Variants in ITPR1 observed in about 807,000 individuals in gnomAD.
The protein encoded by ITPR1 is inositol 1,4,5-trisphosphate receptor type 1.
A neutral mutation model predicts 318.4 loss-of-function variants in ITPR1; 96 were observed. That is an observed-to-expected ratio of 0.30 (90% confidence interval 0.26 to 0.36). ITPR1 has a LOEUF of 0.36. Ranked by LOEUF, ITPR1 falls within the 10% of genes least tolerant of loss-of-function variation. The pLI is 1.00. For missense variants in ITPR1, 2,440 were observed against 3,460.2 expected (o/e 0.71, Z 7.40); for synonymous variants, 1,312 against 1,289.9 (o/e 1.02, Z -0.37).
rs374712279 is a variant in ITPR1 at position 4,554,902 on chromosome 3, G to T, written c.163+33808G>T. On this transcript the variant is annotated intron_variant, in intron 4 of 61. Coordinates refer to ENST00000649015, the MANE Select transcript of ITPR1 (RefSeq NM_001378452.1). ...CAAAAATGGCAATAAAAGAACTGTT[G>T]CTCATATATCAATGGATAAGGCAAT... is the stretch of plus-strand genomic sequence containing the variant. 2.0e-5 allele frequency among the ~76,000 whole-genome samples: 3 copies of T among 152,142 alleles called. No individual in the cohort carries two copies. The South Asian group carries it at 6.2e-4, about 32-fold the overall frequency.
intron 9 of ITPR1, 49 bp from the exon 10 acceptor site, chr3:4,645,533 C>G: frequency 6.2e-7 from 1 of 1,608,140 alleles, no homozygotes; most frequent in Non-Finnish European, 8.5e-7. Context: ...CAGTCTAATT[C>G]TCTTTTTAAA....
At chr3:4,544,726 C>G (rs1359994061) in intron 4 of ITPR1, among the ~76,000 whole-genome samples, 1 of 152,152 alleles carries the variant, frequency 6.6e-6, no homozygotes, top group Non-Finnish European at 1.5e-5. Context: ...ATCTGTCATC[C>G]CTTTTAAGTG....
chr3:4,652,146 G>C lies in ITPR1; in HGVS notation c.879G>C (p.Arg293=). Residue 293 remains arginine (R), a synonymous_variant, in exon 11 of 62, where the codon CGG becomes CGC. Transcript: ENST00000649015. The part of the protein sequence containing the change: ...EVEVVQHDPC[R]GGAGYWNSLF... ...AGGTGGTCCAGCATGACCCATGTCGGGGCGGAGCAGGGTATTGGAACAGCC... is the reference window on the plus strand; with the variant it reads ...AGGTGGTCCAGCATGACCCATGTCGCGGCGGAGCAGGGTATTGGAACAGCC... The C allele has an allele frequency of 6.2e-7, 1 of 1,612,676 alleles. No homozygotes were observed.
In ITPR1 at chr3:4,688,618, G is replaced by A. The variant is rs1168250111; in HGVS notation, c.3826G>A (p.Gly1276Arg). ...HKHINLFLNP[G>R]ILEAVTMQHI... is the part of the protein sequence containing the mutation. Reference sequence around the variant, plus strand: ...ACACATAAACCTGTTTCTCAACCCAGGGGTAAGACTTGAGGCCAATCTGCA... The same window carrying A: ...ACACATAAACCTGTTTCTCAACCCAAGGGTAAGACTTGAGGCCAATCTGCA... The change falls in exon 31 of 62, where the codon GGG (glycine) becomes AGG (arginine). Residue 1276 changes from glycine (G) to arginine (R), a missense_variant and splice_region_variant. By Grantham distance (125) the Gly-to-Arg change is moderately radical. Coordinates refer to ENST00000649015, the MANE Select transcript of ITPR1 (RefSeq NM_001378452.1). 6.2e-7 allele frequency: 1 copy of A among 1,613,200 alleles called. No homozygotes were observed. Among genetic ancestry groups the A allele is most frequent in the Non-Finnish European group, 8.5e-7 (1 of 1,179,206 alleles).
chr3:4,495,671 C>T (rs2080498493), intron 2 of ITPR1, among the ~76,000 whole-genome samples: 1 of 152,184 alleles, frequency 6.6e-6, no homozygotes, highest in African/African-American at 2.4e-5. Flanking sequence ...ACTTGTAAGC[C>T]AGGTCCAGAG....
chr3:4,552,194 C>T (rs2085639600), intron 4 of ITPR1, among the ~76,000 whole-genome samples: 1 of 152,182 alleles, frequency 6.6e-6, no homozygotes, highest in African/African-American at 2.4e-5. Context: ...CTCCCCATCA[C>T]CAAGCAAGCA....
chr3:4,748,687 T>C (rs993095125), intron 44 of ITPR1, among the ~76,000 whole-genome samples: 2 of 152,128 alleles, frequency 1.3e-5, no homozygotes, highest in African/African-American at 4.8e-5. Context: ...CGTGTGTGAG[T>C]TGTATGCCTG....
intron 54 of ITPR1, among the ~76,000 whole-genome samples, chr3:4,805,506 G>T (rs890581838): frequency 6.6e-6 from 1 of 152,110 alleles, no homozygotes; most frequent in Non-Finnish European, 1.5e-5. Context: ...AGAGAGGAAT[G>T]GTCCCCAAAG....
At chr3:4,755,796 A>G (rs2044928148) in intron 44 of ITPR1, among the ~76,000 whole-genome samples, 1 of 152,318 alleles carries the variant, frequency 6.6e-6, no homozygotes, top group Non-Finnish European at 1.5e-5. Flanking sequence ...TTTGTCTCTC[A>G]CTTGTTAAAA....
At chr3:4,681,315 A>C (rs755301189) in intron 25 of ITPR1, 49 bp from the exon 26 acceptor site, 72 of 1,316,486 alleles carry the variant, frequency 5.5e-5, no homozygotes, top group Non-Finnish European at 6.8e-5. Context: ...CACCAGCAGC[A>C]TGTTTGCAGA....
chr3:4,586,185 G>C (rs1392536091), intron 4 of ITPR1, among the ~76,000 whole-genome samples: 3 of 152,126 alleles, frequency 2.0e-5, no homozygotes, highest in African/African-American at 7.2e-5. Flanking sequence ...CATTTGAGTT[G>C]GTTCCAAGTC....
intron 2 of ITPR1, among the ~76,000 whole-genome samples, chr3:4,503,654 A>G (rs1335114332): frequency 1.3e-5 from 2 of 152,016 alleles, no homozygotes; most frequent in African/African-American, 4.8e-5. Context: ...AACAGATCCT[A>G]TGGTGCACAG....
At chr3:4,780,364 G>A (rs192528154) in intron 49 of ITPR1, among the ~76,000 whole-genome samples, 1 of 152,258 alleles carries the variant, frequency 6.6e-6, no homozygotes, top group African/African-American at 2.4e-5. Flanking sequence ...GGTTGCTGAC[G>A]TTTGGATTTT....
chr3:4,766,521 C>A lies in ITPR1; in HGVS notation c.5545-9C>A. The stretch of plus-strand genomic sequence containing the variant: ...ACAGTGTTCACAATCTATGGATTTT[C>A]CTTTGCAGCACTCCTTTTTCTGTCG... On this transcript the variant is annotated splice_polypyrimidine_tract_variant and intron_variant, in intron 44 of 61. Transcript: ENST00000649015. 3.1e-6 allele frequency: 5 copies of A among 1,612,708 alleles called. No homozygotes were observed. Among genetic ancestry groups the A allele is most frequent in the Non-Finnish European group, 4.2e-6 (5 of 1,179,058 alleles).
intron 16 of ITPR1, 108 bp downstream of exon 16, chr3:4,663,314 AT>A (rs2093877774): frequency 9.8e-7 from 1 of 1,019,126 alleles, no homozygotes; most frequent in East Asian, 2.7e-5. Flanking sequence ...AGGTGGGAGG[AT>A]CCCCTTGAGC....
intron 4 of ITPR1, among the ~76,000 whole-genome samples, chr3:4,578,010 C>T (rs548811320): frequency 1.0e-3 from 157 of 152,340 alleles, no homozygotes; most frequent in Middle Eastern, 6.8e-3. Context: ...GAAGCTCATC[C>T]AGCAACCAGT....
intron 42 of ITPR1, among the ~76,000 whole-genome samples, chr3:4,729,267 A>G (rs976906216): frequency 1.3e-5 from 2 of 152,186 alleles, no homozygotes; most frequent in Non-Finnish European, 2.9e-5. Flanking sequence ...GGGGGTGACA[A>G]TGGTCCCTAT....
chr3:4,805,539 AAG>A (rs369874219), intron 54 of ITPR1, among the ~76,000 whole-genome samples: 64 of 152,244 alleles, frequency 4.2e-4, no homozygotes, highest in African/African-American at 1.5e-3. Flanking sequence ...TTATTCCCAG[AAG>A]AGAGGGCAGG....
At chr3:4,661,736 C>T (rs1300803262) in intron 14 of ITPR1, among the ~76,000 whole-genome samples, 2 of 152,190 alleles carry the variant, frequency 1.3e-5, no homozygotes, top group Non-Finnish European at 2.9e-5. Context: ...TAATGCTCCT[C>T]ACTTAGAATC....
Sources: allele counts gnomAD v4.1 joint callset (sites outside exome capture counted in the v4.1 genomes callset), GRCh38; gene constraint gnomAD v4.1.1; transcripts MANE v1.5; gene names NCBI Gene and HGNC (gene_info 2026-07-23, HGNC 2026-07-21).